The following DNAJB4 variants were observed in gnomAD, a reference collection of about 807,000 sequenced individuals.
DNAJB4 encodes the protein dnaJ homolog subfamily B member 4.
DNAJB4 carries 10 observed loss-of-function variants against 26.6 expected under a neutral mutation model. The observed-to-expected ratio is 0.38, with a 90% CI of 0.23 to 0.64. The LOEUF is 0.64. DNAJB4 is among the 30% of genes least tolerant of loss of function. The pLI is 0.58. For missense variants in DNAJB4, 328 were observed against 408.2 expected, an observed-to-expected ratio of 0.80 and a Z score of 1.69; for synonymous variants, 136 against 134.8, an observed-to-expected ratio of 1.01 and a Z score of -0.06.
intron 1 of DNAJB4, among the ~76,000 whole-genome samples, chr1:78,009,577 C>T (rs918915490): frequency 2.6e-5 from 4 of 152,112 alleles, no homozygotes; most frequent in Non-Finnish European, 5.9e-5. Context: ...TTTCCATTAG[C>T]GTTCAAAATG....
chr1:77,992,286 A>C (rs533306333), intron 1 of DNAJB4, among the ~76,000 whole-genome samples: 2 of 150,108 alleles, frequency 1.3e-5, no homozygotes, highest in Non-Finnish European at 1.5e-5. Flanking sequence ...AGTGGCGGGC[A>C]CCTGTAGTCC....
chr1:77,988,890 G>A (rs1659865894), intron 1 of DNAJB4, among the ~76,000 whole-genome samples: 3 of 152,206 alleles, frequency 2.0e-5, no homozygotes, highest in African/African-American at 7.2e-5. Context: ...CTTGGCATAT[G>A]AAAGGTCCTT....
At chr1:77,989,692 T>C (rs931959333) in intron 1 of DNAJB4, among the ~76,000 whole-genome samples, 3 of 152,222 alleles carry the variant, frequency 2.0e-5, no homozygotes, top group Admixed American at 6.5e-5. Context: ...TTCTGTCTTT[T>C]GGTTTTTGGA....
chr1:77,993,821 A>G (rs1229283972), intron 1 of DNAJB4, among the ~76,000 whole-genome samples: 1 of 152,188 alleles, frequency 6.6e-6, no homozygotes, highest in Non-Finnish European at 1.5e-5. Context: ...TTTATTTTAG[A>G]GATATATTTT....
rs1660650505 is a variant in DNAJB4 at position 78,016,678 on chromosome 1, C to T, written c.*431C>T. The T allele has an allele frequency of 6.4e-6, 1 of 156,436 alleles. No homozygotes were observed. The highest frequency in any genetic ancestry group is 2.4e-5 in the African/African-American group (1 of 41,442). 9.7% of individuals were successfully genotyped at this position (156,436 alleles called of 1,614,324 possible). On this transcript the variant is annotated 3_prime_UTR_variant, in exon 3 of 3. Coordinates refer to ENST00000370763, the MANE Select transcript of DNAJB4 (RefSeq NM_007034.5). The stretch of plus-strand genomic sequence containing the variant: ...GTATTTCTAGAAGAGAATAAAAACC[C>T]AAGTCAGTTATTAGATTTAAATCAC...
upstream of DNAJB4, among the ~76,000 whole-genome samples, chr1:78,000,539 G>A (rs757756743): frequency 2.0e-5 from 3 of 151,966 alleles, no homozygotes; most frequent in East Asian, 1.9e-4. Flanking sequence ...GTGTCACCTC[G>A]GCAAATATAA....
At position 78,015,450 on chromosome 1, in the gene DNAJB4, C is replaced by CT. The variant is rs34355321; in HGVS notation, c.781-548dup. On this transcript the variant is annotated intron_variant, in intron 2 of 2. Transcript: ENST00000370763. ...CTCTTTTACCTTTTCTTTTCTTCTT[C>CT]TTTTTTTTTTTTTTTTGTAACATAT... 7.9e-3 allele frequency among the ~76,000 whole-genome samples: 903 copies of CT among 114,372 alleles called. 6 individuals are homozygous for CT. Among genetic ancestry groups the CT allele is most frequent in the Admixed American group, 0.012 (130 of 11,132 alleles). 75.0% of individuals were successfully genotyped at this position (114,372 alleles called of 152,430 possible). A position where few individuals can be genotyped will look rare whatever the true frequency, so the allele number is the denominator to read the frequency against.
At chr1:78,014,446 A>C (rs1660579853) in intron 2 of DNAJB4, among the ~76,000 whole-genome samples, 1 of 152,072 alleles carries the variant, frequency 6.6e-6, no homozygotes, top group Non-Finnish European at 1.5e-5. Context: ...TAACTTTGCA[A>C]ATATGGTCAT....
chr1:77,984,750 T>C (rs1204602093), intron 1 of DNAJB4, among the ~76,000 whole-genome samples: 1 of 152,222 alleles, frequency 6.6e-6, no homozygotes, highest in Non-Finnish European at 1.5e-5. Flanking sequence ...ATTCCACTTA[T>C]CATTTTCCTA....
chr1:77,995,580 G>T (rs1432037448), intron 1 of DNAJB4, among the ~76,000 whole-genome samples: 1 of 152,036 alleles, frequency 6.6e-6, no homozygotes, highest in African/African-American at 2.4e-5. Flanking sequence ...AGCCTCCCAA[G>T]TAGCTAGGAC....
At position 78,016,640 on chromosome 1, in the gene DNAJB4, A is replaced by G. The variant is rs1454178530; in HGVS notation, c.*393A>G. The G allele has an allele frequency of 1.2e-5, 2 of 167,920 alleles. No individual in the cohort carries two copies. Among genetic ancestry groups the G allele is most frequent in the African/African-American group, 4.8e-5 (2 of 41,664 alleles). The allele number at this position is 167,920 out of a possible 1,614,324, so 10.4% of individuals were successfully genotyped here. On this transcript the variant is annotated 3_prime_UTR_variant, in exon 3 of 3. Coordinates refer to ENST00000370763, the MANE Select transcript of DNAJB4 (RefSeq NM_007034.5). ...GGAAATGAAAATTCTTAACTAAACT[A>G]TACATGTAATATGTATTTCTAGAAG...
intron 1 of DNAJB4, among the ~76,000 whole-genome samples, chr1:78,006,064 A>T (rs1660323129): frequency 6.6e-6 from 1 of 152,232 alleles, no homozygotes; most frequent in African/African-American, 2.4e-5. Context: ...ATTTACTTTT[A>T]GATAACATTA....
At chr1:77,979,177 G>C (rs1659364729), upstream of DNAJB4, 1 of 645,948 alleles carries the variant, frequency 1.5e-6, no homozygotes, top group Non-Finnish European at 2.6e-6. Flanking sequence ...GAGGCAACGC[G>C]CTGGTGTGGG....
chr1:77,980,533 T>A (rs1476511874), intron 1 of DNAJB4, among the ~76,000 whole-genome samples: 24 of 152,132 alleles, frequency 1.6e-4, no homozygotes, highest in Admixed American at 1.6e-3. Flanking sequence ...TATTATTGAG[T>A]ATATCACAGT....
chr1:78,011,924 C>G (rs1660488626), intron 1 of DNAJB4, among the ~76,000 whole-genome samples: 1 of 147,834 alleles, frequency 6.8e-6, no homozygotes, highest in Non-Finnish European at 1.5e-5. Flanking sequence ...TTATATTTTG[C>G]TATATATTTT....
chr1:77,985,379 C>G (rs887070677), intron 1 of DNAJB4, among the ~76,000 whole-genome samples: 37 of 152,110 alleles, frequency 2.4e-4, no homozygotes, highest in African/African-American at 8.4e-4. Context: ...TTCATATTAA[C>G]TGATATTCTC....
intron 1 of DNAJB4, among the ~76,000 whole-genome samples, chr1:77,998,140 T>C (rs1389906684): frequency 2.6e-5 from 4 of 152,176 alleles, no homozygotes; most frequent in Non-Finnish European, 5.9e-5. Context: ...ATTGTTTGTC[T>C]TCCCCCTCTA....
At chr1:77,994,959 C>T (rs1660026435) in intron 1 of DNAJB4, among the ~76,000 whole-genome samples, 1 of 152,066 alleles carries the variant, frequency 6.6e-6, no homozygotes, top group Admixed American at 6.6e-5. Context: ...CTGAGATTCA[C>T]AGGCTGAGAT....
rs1274253129 is a variant in DNAJB4 at position 78,013,273 on chromosome 1, A to G, written c.434A>G (p.Asp145Gly). 6.2e-7 allele frequency: 1 copy of G among 1,614,078 alleles called. No individual in the cohort carries two copies. The highest frequency in any genetic ancestry group is 1.7e-5 in the Admixed American group (1 of 60,002). ...FGFSMNGYPR[D>G]RNSVGPSRLK... is the part of the protein sequence containing the mutation. ...TTCAGCATGAATGGATATCCAAGAG[A>G]CAGGAATTCTGTGGGGCCATCCCGC... Residue 145 changes from aspartate (D) to glycine (G), a missense_variant, in exon 2 of 3, where the codon GAC becomes GGC. Coordinates refer to ENST00000370763, the MANE Select transcript of DNAJB4 (RefSeq NM_007034.5).
Sources: allele counts gnomAD v4.1 joint callset (sites outside exome capture counted in the v4.1 genomes callset), GRCh38; gene constraint gnomAD v4.1.1; transcripts MANE v1.5; gene names NCBI Gene and HGNC (gene_info 2026-07-23, HGNC 2026-07-21).